DOCK11: variants seen among roughly 807,000 people sequenced by gnomAD.
DOCK11 encodes dedicator of cytokinesis 11.
DOCK11 carries 70 observed loss-of-function variants against 169.1 expected under a neutral mutation model. That is an observed-to-expected ratio of 0.41 (90% CI 0.34 to 0.51). The LOEUF (loss-of-function observed/expected upper bound fraction) is 0.51. Among genes scored for constraint, DOCK11 ranks in the 20% least tolerant of loss-of-function variants. The pLI is 0.10. For synonymous variants in DOCK11, 529 were observed against 541.3 expected (o/e 0.98, Z 0.32); for missense variants, 1,166 against 1,538.8 (o/e 0.76, Z 4.05).
chrX:118,662,913 A>C (rs1310305383), intron 45 of DOCK11, 121 bp downstream of exon 45: 2 of 491,219 alleles, frequency 4.1e-6, no homozygotes, highest in Admixed American at 7.7e-5. Context: ...ATGAACTTTA[A>C]GTATTAAAAC....
chrX:118,563,144 TAGA>T (rs1198800458), intron 7 of DOCK11, among the ~76,000 whole-genome samples: 1 of 112,204 alleles, frequency 8.9e-6, no homozygotes, highest in Non-Finnish European at 1.9e-5. Flanking sequence ...TGTGGTGGAC[TAGA>T]AGAACAATGG....
intron 14 of DOCK11, among the ~76,000 whole-genome samples, chrX:118,581,805 TAAAAAAAA>T (rs35095116): frequency 3.5e-3 from 45 of 12,740 alleles, no homozygotes; most frequent in African/African-American, 0.013. Flanking sequence ...CTCCGTCTCC[TAAAAAAAA>T]AAAAAAAAAA....
intron 1 of DOCK11, among the ~76,000 whole-genome samples, chrX:118,541,677 G>GA (rs1385158935): frequency 2.7e-5 from 3 of 112,171 alleles, no homozygotes; most frequent in African/African-American, 9.7e-5. Flanking sequence ...AGTGTTACAT[G>GA]AAAAAATGTA....
chrX:118,533,884 A>C (rs767220415), intron 1 of DOCK11, among the ~76,000 whole-genome samples: 1 of 112,126 alleles, frequency 8.9e-6, no homozygotes, highest in East Asian at 2.8e-4. Context: ...GCACAGTCTA[A>C]TTTCTCCTTG....
chrX:118,676,577 T>A lies in DOCK11; in HGVS notation c.5314-14T>A, dbSNP rs1405156147. The A allele has an allele frequency of 9.6e-7, 1 of 1,045,098 alleles. No homozygotes were observed. Among genetic ancestry groups the A allele is most frequent in the South Asian group, 2.7e-5 (1 of 37,438 alleles). The allele number at this position is 1,045,098 out of a possible 1,213,427, so 86.1% of individuals were successfully genotyped here. ...TATTATTTATAAGTTATTATTTGTT[T>A]AACTTTATAATAGTCTTTTTTTGAA... On this transcript the variant is annotated splice_polypyrimidine_tract_variant and intron_variant, in intron 47 of 52. Coordinates refer to ENST00000276202, the MANE Select transcript of DOCK11 (RefSeq NM_144658.4).
At chrX:118,658,027 T>C (rs763672804) in intron 44 of DOCK11, among the ~76,000 whole-genome samples, 1 of 111,940 alleles carries the variant, frequency 8.9e-6, no homozygotes, top group South Asian at 3.7e-4. Context: ...TTAGTGAGCT[T>C]TTTGAAGTCT....
intron 6 of DOCK11, among the ~76,000 whole-genome samples, chrX:118,554,864 A>G (rs2012627891): frequency 8.9e-6 from 1 of 112,176 alleles, no homozygotes; most frequent in Admixed American, 9.4e-5. Flanking sequence ...AGGGCATAAC[A>G]GTAATGACCA....
intron 1 of DOCK11, among the ~76,000 whole-genome samples, chrX:118,497,141 C>T (rs750714413): frequency 2.7e-5 from 3 of 112,513 alleles, no homozygotes; most frequent in South Asian, 3.6e-4. Context: ...TTGTTTTTGT[C>T]TCCCTCAGCT....
intron 1 of DOCK11, among the ~76,000 whole-genome samples, chrX:118,534,361 AATC>A (rs1473566671): frequency 2.7e-5 from 3 of 112,448 alleles, no homozygotes; most frequent in African/African-American, 6.5e-5. Flanking sequence ...AGTGTGCACT[AATC>A]ATATAGTGCA....
chrX:118,595,223 C>T (rs972709602), intron 20 of DOCK11, among the ~76,000 whole-genome samples: 3 of 111,546 alleles, frequency 2.7e-5, no homozygotes, highest in Non-Finnish European at 5.6e-5. Flanking sequence ...AGAGGCCACA[C>T]TATGGCAGTA....
intron 40 of DOCK11, among the ~76,000 whole-genome samples, chrX:118,645,009 G>A (rs914826376): frequency 8.9e-6 from 1 of 112,000 alleles, no homozygotes; most frequent in African/African-American, 3.2e-5. Context: ...GTGGATATAT[G>A]AAGGATCAAA....
intron 13 of DOCK11, 70 bp downstream of exon 13, chrX:118,578,717 T>C (rs1380380933): frequency 3.9e-6 from 4 of 1,032,960 alleles, no homozygotes; most frequent in Non-Finnish European, 5.3e-6. Context: ...ATATTTTAAA[T>C]GCCATTGCTT....
intron 40 of DOCK11, among the ~76,000 whole-genome samples, chrX:118,646,831 G>A (rs961785953): frequency 9.0e-6 from 1 of 111,423 alleles, no homozygotes; most frequent in African/African-American, 3.3e-5. Flanking sequence ...TGAAATAAAG[G>A]GTAGATTCCT....
chrX:118,512,043 A>G (rs190564171), intron 1 of DOCK11, among the ~76,000 whole-genome samples: 4 of 112,076 alleles, frequency 3.6e-5, no homozygotes, highest in Admixed American at 2.8e-4. Flanking sequence ...CCTCCCGAGT[A>G]GCTGGGACTA....
intron 12 of DOCK11, among the ~76,000 whole-genome samples, chrX:118,577,998 G>A (rs2013505614): frequency 8.9e-6 from 1 of 112,138 alleles, no homozygotes; most frequent in South Asian, 3.7e-4. Flanking sequence ...GTACATTTAA[G>A]TAAAGTGTAT....
intron 24 of DOCK11, among the ~76,000 whole-genome samples, chrX:118,607,414 C>T (rs1361994482): frequency 1.3e-5 from 1 of 78,262 alleles, no homozygotes; most frequent in Non-Finnish European, 2.4e-5. Context: ...CGTGCCGGGC[C>T]TTCATTTTTT....
intron 48 of DOCK11, among the ~76,000 whole-genome samples, chrX:118,677,728 T>A (rs1224283936): frequency 8.9e-6 from 1 of 112,216 alleles, no homozygotes; most frequent in Non-Finnish European, 1.9e-5. Context: ...ATAGATTTGG[T>A]GGTAGTTTCA....
intron 14 of DOCK11, 122 bp from the exon 15 acceptor site, chrX:118,584,613 G>A (rs1257928051): frequency 4.1e-5 from 25 of 613,269 alleles, no homozygotes; most frequent in Middle Eastern, 5.6e-4. Flanking sequence ...AACTTAATGA[G>A]AAACCGCCAA....
chrX:118,601,940 G>A (rs765636450), intron 23 of DOCK11, among the ~76,000 whole-genome samples: 1 of 102,755 alleles, frequency 9.7e-6, no homozygotes, highest in East Asian at 3.0e-4. Flanking sequence ...ACCATGCCCA[G>A]CTAATTTTTT....
Sources: gnomAD v4.1 joint callset for allele counts (sites outside exome capture counted in the v4.1 genomes callset) on GRCh38, gnomAD v4.1.1 for gene constraint, MANE v1.5 for transcripts, NCBI Gene and HGNC (gene_info 2026-07-23, HGNC 2026-07-21) for gene names.